The following F13B variants were observed in gnomAD, a reference collection of about 807,000 sequenced individuals.
The protein encoded by F13B is TGase.
F13B carries 58 observed loss-of-function variants against 79.8 expected under a neutral mutation model. The ratio of observed to expected loss-of-function variants is 0.73; its 90% CI spans 0.59 to 0.90. The LOEUF is 0.90. Ranked by LOEUF, F13B falls within the 40% of genes least tolerant of loss-of-function variation. The probability of loss-of-function intolerance (pLI) is 0.00; values close to 1 mark genes in which losing one functional copy is unlikely to be tolerated. For missense variants in F13B, 773 were observed against 777.0 expected (o/e 0.99, Z 0.06); for synonymous variants, 283 against 260.3 (o/e 1.09, Z -0.84).
rs779927552 is a variant in F13B, at chr1:197,062,861, G to GCA, written c.259_260dup (p.Phe88AlafsTer10). The GCA allele has an allele frequency of 6.2e-7, 1 of 1,613,670 alleles. No individual in the cohort carries two copies. Among genetic ancestry groups the GCA allele is most frequent in the South Asian group, 1.1e-5 (1 of 91,074 alleles). ...TGACATATCCAGCTGACTTACTGAA[G>GCA]CACCTTGGCTCTGGAGACCAGCCTT... On this transcript the variant is annotated frameshift_variant, in exon 2 of 12. Coordinates refer to ENST00000367412, the MANE Select transcript of F13B (RefSeq NM_001994.3). LOFTEE classifies it high-confidence loss of function.
chr1:197,065,458 G>C (rs1656014513), intron 1 of F13B, among the ~76,000 whole-genome samples: 1 of 152,128 alleles, frequency 6.6e-6, no homozygotes, highest in Non-Finnish European at 1.5e-5. Context: ...ACTGATCAGA[G>C]AATGGTAAAT....
rs961932812 is a variant in F13B, at chr1:197,060,484, T to G, written c.687A>C (p.Gln229His). The change falls in exon 5 of 12, where the codon CAA becomes CAC. Residue 229 changes from glutamine (Q) to histidine (H), a missense_variant. Gln to His is a conservative substitution (Grantham distance 24). Transcript: ENST00000367412. ...GAACGACATCTCCTTCTTCATAGGT[T>G]TGCTTTACAGGATGAAAATAACCAT... is the stretch of plus-strand genomic sequence containing the variant. ...IENGYFHPVK[Q>H]TYEEGDVVQF... The G allele has an allele frequency of 9.9e-6, 16 of 1,608,240 alleles. No homozygotes were observed. Among genetic ancestry groups the G allele is most frequent in the Middle Eastern group, 1.7e-4 (1 of 6,020 alleles).
chr1:197,047,788 C>T (rs1186243710), intron 10 of F13B, among the ~76,000 whole-genome samples: 1 of 152,162 alleles, frequency 6.6e-6, no homozygotes, highest in Non-Finnish European at 1.5e-5. Context: ...GGCACATACA[C>T]ACCATGGAAT....
Position 197,067,166 on chromosome 1 carries a change from C to T in F13B, c.58G>A (p.Ala20Thr), listed in dbSNP as rs756460140. The change falls in exon 1 of 12, where the codon GCA (alanine) becomes ACA (threonine). Residue 20 changes from alanine (A) to threonine (T), a missense_variant. By Grantham distance (58) the Ala-to-Thr change is moderately conservative. Transcript: ENST00000367412. ...IILIISGELY[A>T]EEKPCGFPHV... ...TATTAAGAATTAATTTTACCTTCTG[C>T]ATAGAGTTCTCCTGAGATTATCAAT... 2.5e-6 allele frequency: 4 copies of T among 1,583,594 alleles called. No homozygotes were observed. The African/African-American group carries it at 4.0e-5, about 16-fold the overall frequency.
chr1:197,065,667 CTG>C (rs1371738092), intron 1 of F13B, among the ~76,000 whole-genome samples: 2 of 152,122 alleles, frequency 1.3e-5, no homozygotes, highest in Non-Finnish European at 2.9e-5. Flanking sequence ...ATAATGCTAT[CTG>C]TGAGTGAATA....
At chr1:197,042,341 A>T (rs1175277010) in intron 10 of F13B, among the ~76,000 whole-genome samples, 2 of 152,164 alleles carry the variant, frequency 1.3e-5, no homozygotes, top group Non-Finnish European at 1.5e-5. Context: ...AATTAAAATA[A>T]ATTTAAAAGT....
intron 7 of F13B, among the ~76,000 whole-genome samples, 190 bp from the exon 8 acceptor site, chr1:197,056,087 T>C (rs2125067195): frequency 6.6e-6 from 1 of 152,262 alleles, no homozygotes; most frequent in African/African-American, 2.4e-5. Context: ...ACAGCAAATA[T>C]GTTACCTAAA....
chr1:197,053,702 G>A (rs533422093), intron 8 of F13B, among the ~76,000 whole-genome samples: 1 of 152,100 alleles, frequency 6.6e-6, no homozygotes, highest in African/African-American at 2.4e-5. Flanking sequence ...GCAGGAGGGG[G>A]TAACAAAAGA....
intron 10 of F13B, among the ~76,000 whole-genome samples, chr1:197,044,662 T>A (rs559360574): frequency 6.6e-6 from 1 of 152,126 alleles, no homozygotes; most frequent in East Asian, 1.9e-4. Context: ...GCAGACCTAA[T>A]GGACATCTGC....
chr1:197,064,702 AT>A (rs1344366460), intron 1 of F13B, among the ~76,000 whole-genome samples: 2 of 152,212 alleles, frequency 1.3e-5, no homozygotes, highest in East Asian at 3.9e-4. Flanking sequence ...GTATCCTGTG[AT>A]TTTTGCATTT....
chr1:197,054,430 G>A (rs572285987), intron 8 of F13B, among the ~76,000 whole-genome samples: 5 of 152,008 alleles, frequency 3.3e-5, no homozygotes, highest in African/African-American at 7.2e-5. Flanking sequence ...AATGGGAATC[G>A]ACTCCTAAGA....
chr1:197,057,382 T>C lies in F13B; in HGVS notation c.889A>G (p.Ile297Val), dbSNP rs1655684285. Residue 297 changes from isoleucine (I) to valine (V), a missense_variant, in exon 6 of 12, where the codon ATA (isoleucine) becomes GTA (valine). Physicochemically the swap from Ile to Val is conservative, Grantham distance 29 (BLOSUM62 3). Transcript: ENST00000367412. ...TTAAGTTCACATTCTATATGAACTA[T>C]TTCTCCATGACGATAAGTTGTTGAA... ...THSTTYRHGEIVHIECELNFE... is the reference protein window; with the variant it reads ...THSTTYRHGEVVHIECELNFE... 2.5e-6 allele frequency: 4 copies of C among 1,613,882 alleles called. No homozygotes were observed. The highest frequency in any genetic ancestry group is 3.3e-5 in the Admixed American group (2 of 59,946).
intron 5 of F13B, among the ~76,000 whole-genome samples, chr1:197,058,339 T>G (rs1655724160): frequency 6.6e-6 from 1 of 152,186 alleles, no homozygotes; most frequent in African/African-American, 2.4e-5. Context: ...ACTTTCCTAT[T>G]GCTGCTTTGA....
intron 5 of F13B, among the ~76,000 whole-genome samples, chr1:197,059,802 C>T (rs1396436429): frequency 2.0e-5 from 3 of 152,152 alleles, no homozygotes; most frequent in Non-Finnish European, 4.4e-5. Flanking sequence ...GTTTAAATAA[C>T]TATGGATGTC....
At position 197,061,013 on chromosome 1, in the gene F13B, CT is replaced by C. The variant is rs763814603; in HGVS notation, c.513del (p.Val172Ter). 1 of 1,607,624 alleles carries C rather than the reference CT, an allele frequency of 6.2e-7. No individual in the cohort carries two copies. Among genetic ancestry groups the C allele is most frequent in the Non-Finnish European group, 8.5e-7 (1 of 1,174,660 alleles). On this transcript the variant is annotated frameshift_variant, in exon 4 of 12. Coordinates refer to ENST00000367412, the MANE Select transcript of F13B (RefSeq NM_001994.3). LOFTEE classifies it high-confidence loss of function. ...CATTCGTATTGTACTTTGTCCTTCA[CT>C]TTGAATGTTTTCTGTGTTGTGGAAT... ...GNYSTTQKTF[K>X]VKDKVQYECA...
intron 10 of F13B, among the ~76,000 whole-genome samples, chr1:197,045,775 G>C (rs534249794): frequency 6.6e-6 from 1 of 152,134 alleles, no homozygotes; most frequent in Non-Finnish European, 1.5e-5. Context: ...ATAAAATACT[G>C]GCAAACCAAA....
At position 197,061,829 on chromosome 1, in the gene F13B, G is replaced by T. The variant is rs757094432; in HGVS notation, c.406C>A (p.Leu136Ile). 2 of 1,613,280 alleles carry T rather than the reference G, an allele frequency of 1.2e-6. No individual in the cohort carries two copies. Among genetic ancestry groups the T allele is most frequent in the Non-Finnish European group, 1.7e-6 (2 of 1,179,606 alleles). The stretch of plus-strand genomic sequence containing the variant: ...GGTTGAGAAGACCATCCATCAGAGA[G>T]ACATTGAACCACTTCTTCATCCTTC... ...GGKDEEVVQCLSDGWSSQPTC... is the reference protein window; with the variant it reads ...GGKDEEVVQCISDGWSSQPTC... The change falls in exon 3 of 12, where the codon CTC becomes ATC. Residue 136 changes from leucine (L) to isoleucine (I), a missense_variant. Transcript: ENST00000367412.
At chr1:197,056,972 AC>A in intron 7 of F13B, 40 bp downstream of exon 7, 2 of 1,605,274 alleles carry the variant, frequency 1.2e-6, no homozygotes, top group Non-Finnish European at 1.7e-6. Flanking sequence ...AAAATTTTAC[AC>A]CATAAGTTTA....
intron 5 of F13B, among the ~76,000 whole-genome samples, chr1:197,058,778 G>A (rs1655737288): frequency 6.6e-6 from 1 of 152,092 alleles, no homozygotes; most frequent in African/African-American, 2.4e-5. Flanking sequence ...GCTATATTTT[G>A]GGAGGAGTAA....
Sources: gnomAD v4.1 joint callset for allele counts (sites outside exome capture counted in the v4.1 genomes callset) on GRCh38, gnomAD v4.1.1 for gene constraint, MANE v1.5 for transcripts, NCBI Gene and HGNC (gene_info 2026-07-23, HGNC 2026-07-21) for gene names.